The following BBS9 variants were observed in gnomAD, a reference collection of about 807,000 sequenced individuals.
BBS9 encodes the protein Bardet-Biedl syndrome 9, also known as protein PTHB1.
Under a neutral mutation model 117.7 loss-of-function variants are expected in BBS9, and 89 were observed. That is an observed-to-expected ratio of 0.76 (90% confidence interval 0.64 to 0.90). The LOEUF is 0.90. BBS9 is among the 40% of genes least tolerant of loss of function. The pLI, the probability that BBS9 is intolerant of heterozygous loss-of-function variation, is 0.00. For missense variants in BBS9, 982 were observed against 1,042.2 expected (o/e 0.94, Z 0.80); for synonymous variants, 379 against 370.9 (o/e 1.02, Z -0.25).
At position 33,544,575 on chromosome 7, in the gene BBS9, A is replaced by G. The variant is rs183145640; in HGVS notation, c.2521+10399A>G. Among the ~76,000 whole-genome samples the G allele has an allele frequency of 7.0e-4, 107 of 152,292 alleles. 1 individual carries two copies. Among genetic ancestry groups the G allele is most frequent in the Non-Finnish European group, 1.4e-3 (92 of 68,024 alleles). ...TGTGGGTCTCTCAGCAGTGGATACC[A>G]GTGCATGTTCTGGTGGAGGTGGTGG... On this transcript the variant is annotated intron_variant, in intron 21 of 22. Transcript: ENST00000242067.
At chr7:33,279,221 A>G (rs1801356250) in intron 9 of BBS9, among the ~76,000 whole-genome samples, 1 of 152,056 alleles carries the variant, frequency 6.6e-6, no homozygotes, top group Non-Finnish European at 1.5e-5. Flanking sequence ...AACTATAGGC[A>G]TATGCCACCA....
intron 19 of BBS9, among the ~76,000 whole-genome samples, chr7:33,388,691 G>T (rs576290549): frequency 7.2e-5 from 11 of 152,244 alleles, no homozygotes; most frequent in Non-Finnish European, 1.2e-4. Flanking sequence ...ATGGCTAGGT[G>T]ATCTGGCTGT....
At chr7:33,342,627 T>C (rs1188686858) in intron 11 of BBS9, among the ~76,000 whole-genome samples, 1 of 152,168 alleles carries the variant, frequency 6.6e-6, no homozygotes, top group Admixed American at 6.5e-5. Flanking sequence ...ATTTTTTCTT[T>C]CTTAAGAGAT....
chr7:33,305,617 C>T (rs981754608), intron 9 of BBS9, among the ~76,000 whole-genome samples: 6 of 152,096 alleles, frequency 3.9e-5, no homozygotes, highest in African/African-American at 1.4e-4. Context: ...TTTTGGATTT[C>T]CTCATGGTTC....
At chr7:33,143,417 A>G (rs564352995) in intron 1 of BBS9, among the ~76,000 whole-genome samples, 72 of 151,974 alleles carry the variant, frequency 4.7e-4, no homozygotes, top group Non-Finnish European at 7.9e-4. Flanking sequence ...TGCAATCATC[A>G]TTCTTAGGTC....
chr7:33,471,625 G>A (rs1313134816), intron 19 of BBS9, among the ~76,000 whole-genome samples: 1 of 152,208 alleles, frequency 6.6e-6, no homozygotes, highest in Non-Finnish European at 1.5e-5. Flanking sequence ...TGTCCACTGT[G>A]CTTTCCACCA....
chr7:33,285,322 G>A (rs1212634880), intron 9 of BBS9, among the ~76,000 whole-genome samples: 1 of 152,112 alleles, frequency 6.6e-6, no homozygotes, highest in East Asian at 1.9e-4. Flanking sequence ...TATCAAAAGA[G>A]GAGAGCTTTG....
At position 33,623,426 on chromosome 7, in the gene BBS9, G is replaced by C. The variant is rs185073256; in HGVS notation, c.2522-11751G>C. 3.2e-4 allele frequency among the ~76,000 whole-genome samples: 49 copies of C among 152,302 alleles called. 1 individual carries two copies. Among genetic ancestry groups the C allele is most frequent in the African/African-American group, 1.1e-3 (46 of 41,558 alleles). On this transcript the variant is annotated intron_variant, in intron 21 of 21. Coordinates refer to the BBS9 transcript ENST00000671952. ...AGAACAGAAAATACCCACATCTGTT[G>C]AATCTGTTGGCTCAGCTCAACTGTT...
At chr7:33,330,815 C>G (rs145295355) in intron 9 of BBS9, among the ~76,000 whole-genome samples, 1 of 152,086 alleles carries the variant, frequency 6.6e-6, no homozygotes, top group South Asian at 2.1e-4. Context: ...TTAGCTCAGT[C>G]GATGCACTTC....
At chr7:33,352,772 G>C (rs982541326) in intron 14 of BBS9, 87 bp from the exon 15 acceptor site, 3 of 1,419,548 alleles carry the variant, frequency 2.1e-6, no homozygotes, top group Non-Finnish European at 3.0e-6. Flanking sequence ...AAGCAGATAT[G>C]TGTCAAATTT....
At chr7:33,465,421 T>A (rs1417868306) in intron 19 of BBS9, among the ~76,000 whole-genome samples, 2 of 152,074 alleles carry the variant, frequency 1.3e-5, no homozygotes, top group African/African-American at 4.8e-5. Flanking sequence ...AGGGGAAACA[T>A]GAATGTTATT....
intron 17 of BBS9, among the ~76,000 whole-genome samples, chr7:33,371,729 GA>G (rs1377644260): frequency 2.0e-5 from 3 of 151,450 alleles, no homozygotes; most frequent in Non-Finnish European, 4.4e-5. Flanking sequence ...GTATAAATCT[GA>G]AAAAAAATAG....
intron 21 of BBS9, among the ~76,000 whole-genome samples, chr7:33,570,170 A>C (rs1275439352): frequency 6.6e-6 from 1 of 152,168 alleles, no homozygotes; most frequent in African/African-American, 2.4e-5. Context: ...ATAAAAATTA[A>C]ATACTTTAAA....
At position 33,383,722 on chromosome 7, in the gene BBS9, C is replaced by T; in HGVS notation, c.1846C>T (p.Leu616Phe). ...FEDLWLITNE[L>F]ILRLQEYFEK... ...AGATCTTTGGCTCATAACCAATGAGCTTATTCTTCGCCTTCAAGAATATTT... is the reference window on the plus strand; with the variant it reads ...AGATCTTTGGCTCATAACCAATGAGTTTATTCTTCGCCTTCAAGAATATTT... The change falls in exon 18 of 23, where the codon CTT becomes TTT. Residue 616 changes from leucine to phenylalanine, a missense_variant. Physicochemically the swap from Leu to Phe is conservative, Grantham distance 22. Coordinates refer to ENST00000242067, the MANE Select transcript of BBS9 (RefSeq NM_198428.3). 6.2e-7 allele frequency: 1 copy of T among 1,611,814 alleles called. No homozygotes were observed. The highest frequency in any genetic ancestry group is 2.2e-5 in the East Asian group (1 of 44,838).
intron 9 of BBS9, among the ~76,000 whole-genome samples, chr7:33,305,905 T>G (rs1807829221): frequency 6.6e-6 from 1 of 152,110 alleles, no homozygotes; most frequent in African/African-American, 2.4e-5. Flanking sequence ...GTGTTATTTA[T>G]TTTTGCTGTG....
At chr7:33,634,108 C>T (rs939613039) in intron 21 of BBS9, among the ~76,000 whole-genome samples, 15 of 152,340 alleles carry the variant, frequency 9.8e-5, no homozygotes, top group East Asian at 1.9e-4. Flanking sequence ...CACGCAGGCC[C>T]GTCTCCCATG....
At chr7:33,210,280 T>C (rs1454504679) in intron 5 of BBS9, among the ~76,000 whole-genome samples, 2 of 152,250 alleles carry the variant, frequency 1.3e-5, no homozygotes, top group African/African-American at 4.8e-5. Flanking sequence ...TCAAGTTTTT[T>C]GAATGTTTAA....
rs144821322 is a variant in BBS9 at position 33,516,367 on chromosome 7, T to C, written c.2298+10722T>C. ...GGCCTGGTGCGGTGGCAGGCACCTG[T>C]AATCCCAGCTACTTGGGAGGCTGAG... On this transcript the variant is annotated intron_variant, in intron 20 of 22. Coordinates refer to ENST00000242067, the MANE Select transcript of BBS9 (RefSeq NM_198428.3). Among the ~76,000 whole-genome samples, 441 of 151,206 alleles carry C rather than the reference T, an allele frequency of 2.9e-3. 1 individual carries two copies. Among genetic ancestry groups the C allele is most frequent in the African/African-American group, 0.01 (417 of 41,196 alleles).
At chr7:33,352,552 G>T (rs1328551602) in intron 14 of BBS9, among the ~76,000 whole-genome samples, 1 of 151,894 alleles carries the variant, frequency 6.6e-6, no homozygotes, top group African/African-American at 2.4e-5. Flanking sequence ...AGTCTTTTTT[G>T]CTGTTTGGCT....
Sources: gnomAD v4.1 joint callset for allele counts (sites outside exome capture counted in the v4.1 genomes callset) on GRCh38, gnomAD v4.1.1 for gene constraint, MANE v1.5 for transcripts, NCBI Gene and HGNC (gene_info 2026-07-23, HGNC 2026-07-21) for gene names.